Variants in EXOC2 observed in about 807,000 individuals in gnomAD.
EXOC2 encodes the protein SEC5-like 1.
Under a neutral mutation model 131.8 loss-of-function variants are expected in EXOC2, and 70 were observed. The ratio of observed to expected loss-of-function variants is 0.53; its 90% CI spans 0.44 to 0.65. The LOEUF (loss-of-function observed/expected upper bound fraction) is 0.65. Among genes scored for constraint, EXOC2 ranks in the 30% least tolerant of loss-of-function variants. The pLI is 0.00. For missense variants in EXOC2, 923 were observed against 1,108.6 expected (o/e 0.83, Z 2.38); for synonymous variants, 411 against 398.4 (o/e 1.03, Z -0.38).
intron 12 of EXOC2, among the ~76,000 whole-genome samples, chr6:574,554 T>C (rs1409293185): frequency 6.6e-6 from 1 of 152,228 alleles, no homozygotes; most frequent in Non-Finnish European, 1.5e-5. Flanking sequence ...ATTTATTAGG[T>C]ATATTAGCCC....
At chr6:526,432 A>ATTTT (rs70985804) in intron 23 of EXOC2, among the ~76,000 whole-genome samples, 12 of 76,014 alleles carry the variant, frequency 1.6e-4, no homozygotes, top group African/African-American at 3.6e-4. Flanking sequence ...TTCTTTGTGG[A>ATTTT]TTTTTTTTTT....
chr6:665,852 G>A (rs1763621454), intron 1 of EXOC2, among the ~76,000 whole-genome samples: 1 of 152,072 alleles, frequency 6.6e-6, no homozygotes, highest in African/African-American at 2.4e-5. Context: ...GGTGATGGGT[G>A]CACCAGAATC....
At chr6:691,318 A>G (rs1207801500) in intron 1 of EXOC2, among the ~76,000 whole-genome samples, 1 of 152,106 alleles carries the variant, frequency 6.6e-6, no homozygotes, top group African/African-American at 2.4e-5. Flanking sequence ...CCACTTATAC[A>G]CGGATTTTTT....
chr6:592,409 C>A, intron 11 of EXOC2, 60 bp downstream of exon 11: 1 of 1,376,618 alleles, frequency 7.3e-7, no homozygotes, highest in Non-Finnish European at 1.0e-6. Flanking sequence ...TTAAACATTC[C>A]CAGAATGCAT....
At chr6:565,406 T>A (rs970680419) in intron 13 of EXOC2, among the ~76,000 whole-genome samples, 3 of 152,236 alleles carry the variant, frequency 2.0e-5, no homozygotes, top group African/African-American at 7.2e-5. Context: ...TAAAATACAT[T>A]CTATCATTCT....
chr6:518,583 G>C (rs1477632835), intron 23 of EXOC2, among the ~76,000 whole-genome samples: 1 of 152,152 alleles, frequency 6.6e-6, no homozygotes, highest in African/African-American at 2.4e-5. Flanking sequence ...AAGACCATTT[G>C]AGCCAACAAC....
chr6:569,644 C>T (rs1014093149), intron 13 of EXOC2, among the ~76,000 whole-genome samples: 1 of 152,242 alleles, frequency 6.6e-6, no homozygotes, highest in Admixed American at 6.5e-5. Context: ...CTGCTCCTTC[C>T]TACAGCCCTG....
intron 23 of EXOC2, among the ~76,000 whole-genome samples, chr6:508,960 T>C (rs578128282): frequency 6.6e-6 from 1 of 152,266 alleles, no homozygotes; most frequent in Non-Finnish European, 1.5e-5. Flanking sequence ...GTTCTGGATT[T>C]TGGCCATTCT....
chr6:565,299 A>C (rs189467814), intron 13 of EXOC2, among the ~76,000 whole-genome samples: 1 of 152,368 alleles, frequency 6.6e-6, no homozygotes, highest in Admixed American at 6.5e-5. Flanking sequence ...TAGCTAGTAA[A>C]GAAACCAAAG....
At chr6:584,036 AAAG>A (rs1366996622) in intron 11 of EXOC2, among the ~76,000 whole-genome samples, 1 of 152,254 alleles carries the variant, frequency 6.6e-6, no homozygotes, top group Non-Finnish European at 1.5e-5. Context: ...CTCCATAAAA[AAAG>A]AAGCTTCCTA....
intron 22 of EXOC2, among the ~76,000 whole-genome samples, chr6:537,177 T>TTGACGACCGACGGAGCGTACACTCGAGA (rs1561829914): frequency 1.0e-4 from 15 of 145,780 alleles, no homozygotes; most frequent in Non-Finnish European, 2.1e-4. Flanking sequence ...TACACTTGAG[T>TTGACGACCGACGGAGCGTACACTCGAGA]TGACGACCGA....
chr6:590,639 G>A (rs967106392), intron 11 of EXOC2, among the ~76,000 whole-genome samples: 86 of 152,210 alleles, frequency 5.7e-4, no homozygotes, highest in African/African-American at 2.0e-3. Context: ...CAATCCTAAG[G>A]ACATTTCTCT....
In EXOC2 at chr6:564,610, G is replaced by A. The variant is rs765903175; in HGVS notation, c.1602C>T (p.Tyr534=). Reference sequence around the variant, plus strand: ...GCTCGCACTTCACCTCCCAGCCTCCGTACTGCTTGGCTTCCCCATCCCGGA... The same window carrying A: ...GCTCGCACTTCACCTCCCAGCCTCCATACTGCTTGGCTTCCCCATCCCGGA... The part of the protein sequence containing the change: ...LSIRDGEAKQ[Y]GGWEVKCELS... Residue 534 remains tyrosine, a synonymous_variant, in exon 15 of 28, where the codon TAC becomes TAT. Coordinates refer to ENST00000230449, the MANE Select transcript of EXOC2 (RefSeq NM_018303.6). 98 of 1,613,990 alleles carry A rather than the reference G, an allele frequency of 6.1e-5. No homozygotes were observed. The Middle Eastern group carries it at 1.2e-3, about 19-fold the overall frequency.
chr6:510,625 CCT>C (rs1368727416), intron 23 of EXOC2, among the ~76,000 whole-genome samples: 17 of 151,934 alleles, frequency 1.1e-4, no homozygotes, highest in African/African-American at 3.6e-4. Context: ...AAAACTCTCC[CCT>C]CTCATTTCAA....
chr6:522,856 A>G (rs2493030), intron 23 of EXOC2, among the ~76,000 whole-genome samples: 145,359 of 152,308 alleles, frequency 0.95, 69,435 homozygotes, highest in East Asian at 1. Flanking sequence ...GGCCCAGTGT[A>G]GACTGAGTAC....
At chr6:577,144 CTT>C (rs1561879385) in intron 11 of EXOC2, among the ~76,000 whole-genome samples, 1 of 152,178 alleles carries the variant, frequency 6.6e-6, no homozygotes, top group Non-Finnish European at 1.5e-5. Context: ...TGCAAAACAA[CTT>C]TTGGCACTAG....
At chr6:606,270 A>T (rs1760405708) in intron 7 of EXOC2, among the ~76,000 whole-genome samples, 1 of 152,166 alleles carries the variant, frequency 6.6e-6, no homozygotes, top group African/African-American at 2.4e-5. Flanking sequence ...CCCGTCGTGG[A>T]GTTGGGGGAG....
intron 23 of EXOC2, among the ~76,000 whole-genome samples, chr6:511,093 C>T (rs1354399110): frequency 6.6e-6 from 1 of 152,218 alleles, no homozygotes; most frequent in East Asian, 1.9e-4. Context: ...CAGCTGGGGT[C>T]CTGACCCCTA....
In EXOC2 at chr6:637,701, C is replaced by CT; in HGVS notation, c.117dup (p.Gly40ArgfsTer8). Reference sequence around the variant, plus strand: ...TGCGTCGCAGGGCCTCTGCCCTTACCTATGAGGTCGGTGGGGCCAGTCCCC... The same window carrying CT: ...TGCGTCGCAGGGCCTCTGCCCTTACCTTATGAGGTCGGTGGGGCCAGTCCCC... On this transcript the variant is annotated frameshift_variant and splice_region_variant, in exon 2 of 28. Coordinates refer to ENST00000230449, the MANE Select transcript of EXOC2 (RefSeq NM_018303.6). LOFTEE classifies it high-confidence loss of function. 1 of 1,611,612 alleles carries CT rather than the reference C, an allele frequency of 6.2e-7. No individual in the cohort carries two copies. Among genetic ancestry groups the CT allele is most frequent in the Non-Finnish European group, 8.5e-7 (1 of 1,178,998 alleles).
Sources: gnomAD v4.1 joint callset for allele counts (sites outside exome capture counted in the v4.1 genomes callset) on GRCh38, gnomAD v4.1.1 for gene constraint, MANE v1.5 for transcripts, NCBI Gene and HGNC (gene_info 2026-07-23, HGNC 2026-07-21) for gene names.